SCFD1: variants seen among roughly 807,000 people sequenced by gnomAD.
SCFD1 encodes the protein sec1 family domain containing 1, also known as sec1 family domain-containing protein 1.
Under a neutral mutation model 103.2 loss-of-function variants are expected in SCFD1, and 37 were observed. The observed-to-expected ratio is 0.36, with a 90% CI of 0.28 to 0.47. The LOEUF (loss-of-function observed/expected upper bound fraction) is 0.47, where lower values mean the gene tolerates loss of function less well. Among genes scored for constraint, SCFD1 ranks in the 20% least tolerant of loss-of-function variants. The pLI is 1.00. For missense variants in SCFD1, 639 were observed against 761.2 expected (o/e 0.84, Z 1.89); for synonymous variants, 264 against 245.0 (o/e 1.08, Z -0.73).
chr14:30,630,630 T>TAACC, intron 3 of SCFD1, 65 bp downstream of exon 3: 4 of 982,910 alleles, frequency 4.1e-6, no homozygotes, highest in Non-Finnish European at 6.5e-6. Flanking sequence ...AAAAATAGTG[T>TAACC]TAGGTTACAG....
At chr14:30,730,303 G>A (rs1005598671) in intron 23 of SCFD1, among the ~76,000 whole-genome samples, 1 of 151,872 alleles carries the variant, frequency 6.6e-6, no homozygotes, top group African/African-American at 2.4e-5. Context: ...GTTGTGAATA[G>A]TGCCGCAATA....
At chr14:30,710,332 T>TAAAAA (rs397853428) in intron 19 of SCFD1, among the ~76,000 whole-genome samples, 9 of 82,004 alleles carry the variant, frequency 1.1e-4, no homozygotes, top group South Asian at 4.2e-4. Context: ...GCCATGTCAT[T>TAAAAA]AAAAAAAAAA....
chr14:30,678,452 A>G (rs933405534), intron 14 of SCFD1, among the ~76,000 whole-genome samples: 12 of 152,186 alleles, frequency 7.9e-5, no homozygotes, highest in African/African-American at 2.9e-4. Flanking sequence ...AAATTGTTGA[A>G]TACTCATTTG....
At chr14:30,683,655 GTATAC>G (rs1889680313) in intron 14 of SCFD1, 1 of 227,818 alleles carries the variant, frequency 4.4e-6, no homozygotes, top group South Asian at 5.5e-5. Context: ...CAACTGGGGG[GTATAC>G]TTTCCTATAG....
chr14:30,707,736 C>G (rs993637990), intron 18 of SCFD1: 7 of 455,368 alleles, frequency 1.5e-5, no homozygotes, highest in African/African-American at 1.4e-4. Flanking sequence ...TTGAGGGCAG[C>G]TCTTTATTTT....
chr14:30,636,110 G>A (rs1163847396), intron 4 of SCFD1, among the ~76,000 whole-genome samples: 1 of 151,896 alleles, frequency 6.6e-6, no homozygotes, highest in Non-Finnish European at 1.5e-5. Flanking sequence ...TTTTATTGTT[G>A]AGTTGATAGA....
At chr14:30,707,930 A>G (rs967117121) in intron 18 of SCFD1, 60 bp from the exon 19 acceptor site, 3 of 1,106,360 alleles carry the variant, frequency 2.7e-6, no homozygotes, top group East Asian at 2.4e-5. Context: ...TATTTTATCG[A>G]TAACAGATTG....
chr14:30,723,556 C>T (rs1457942691), intron 23 of SCFD1, among the ~76,000 whole-genome samples: 1 of 152,154 alleles, frequency 6.6e-6, no homozygotes, highest in Non-Finnish European at 1.5e-5. Flanking sequence ...CCTCTTCCCA[C>T]CCTCCACCAG....
At chr14:30,650,021 T>C (rs1886248290) in intron 8 of SCFD1, among the ~76,000 whole-genome samples, 1 of 152,236 alleles carries the variant, frequency 6.6e-6, no homozygotes, top group Admixed American at 6.5e-5. Flanking sequence ...TTCATAAATT[T>C]GCTTTAAAGA....
intron 10 of SCFD1, chr14:30,653,991 A>G (rs1886649447): frequency 6.5e-6 from 1 of 153,888 alleles, no homozygotes; most frequent in East Asian, 1.9e-4. Context: ...TTAAAAAAAA[A>G]ATAGTATTTT....
At position 30,627,605 on chromosome 14, in the gene SCFD1, G is replaced by A. The variant is rs192946957; in HGVS notation, c.62-604G>A. ...CTACTAGAAATACAAAATTAGCCGG[G>A]CATGGCAGCGCATGCCTGTAATCCC... On this transcript the variant is annotated intron_variant, in intron 1 of 24. Transcript: ENST00000458591. Among the ~76,000 whole-genome samples, 58 of 151,962 alleles carry A rather than the reference G, an allele frequency of 3.8e-4. No homozygotes were observed. In the East Asian group the frequency reaches 0.011, roughly 28 times the overall value.
At chr14:30,693,324 C>T (rs1214060449) in intron 14 of SCFD1, among the ~76,000 whole-genome samples, 1 of 152,010 alleles carries the variant, frequency 6.6e-6, no homozygotes, top group Non-Finnish European at 1.5e-5. Context: ...AAGAAAATAC[C>T]TATAGAAGCA....
At chr14:30,696,539 C>G (rs1290276225) in intron 15 of SCFD1, among the ~76,000 whole-genome samples, 1 of 152,090 alleles carries the variant, frequency 6.6e-6, no homozygotes, top group Admixed American at 6.6e-5. Flanking sequence ...CCACTTCGGT[C>G]CAGAATAAGA....
At chr14:30,700,662 A>C (rs1205890439) in intron 16 of SCFD1, among the ~76,000 whole-genome samples, 2 of 152,202 alleles carry the variant, frequency 1.3e-5, no homozygotes, top group Admixed American at 1.3e-4. Context: ...TGACAGAGCA[A>C]TACTCCATCT....
chr14:30,666,654 G>C (rs928231415), intron 10 of SCFD1, among the ~76,000 whole-genome samples: 2 of 152,104 alleles, frequency 1.3e-5, no homozygotes, highest in African/African-American at 4.8e-5. Context: ...TAGACTGCTA[G>C]CAAGACTAAT....
chr14:30,667,418 AC>A (rs1335863599), intron 10 of SCFD1, among the ~76,000 whole-genome samples: 1 of 152,146 alleles, frequency 6.6e-6, no homozygotes, highest in Non-Finnish European at 1.5e-5. Flanking sequence ...AAATAATAAG[AC>A]CTATTTATGA....
At chr14:30,664,502 ATT>A (rs2139170811) in intron 10 of SCFD1, among the ~76,000 whole-genome samples, 1 of 152,292 alleles carries the variant, frequency 6.6e-6, no homozygotes, top group African/African-American at 2.4e-5. Flanking sequence ...TCTCCAAAGG[ATT>A]GCAGCTCCTC....
At chr14:30,722,958 T>G (rs1045937035) in intron 23 of SCFD1, 38 of 153,102 alleles carry the variant, frequency 2.5e-4, no homozygotes, top group Non-Finnish European at 4.7e-4. Flanking sequence ...CAAACTTGGA[T>G]TTTTTTGTTT....
intron 19 of SCFD1, among the ~76,000 whole-genome samples, chr14:30,713,394 A>G (rs1371687372): frequency 7.2e-6 from 1 of 138,628 alleles, no homozygotes; most frequent in South Asian, 2.1e-4. Context: ...GTTGTCTCTG[A>G]AAAACCAGAC....
Sources: gnomAD v4.1 joint callset for allele counts (sites outside exome capture counted in the v4.1 genomes callset) on GRCh38, gnomAD v4.1.1 for gene constraint, MANE v1.5 for transcripts, NCBI Gene and HGNC (gene_info 2026-07-23, HGNC 2026-07-21) for gene names.